Variants in CLSTN3 observed in about 807,000 individuals in gnomAD.
The protein encoded by CLSTN3 is calsyntenin 3.
A neutral mutation model predicts 95.9 loss-of-function variants in CLSTN3; 36 were observed. The observed-to-expected ratio is 0.38, with a 90% CI of 0.29 to 0.50. CLSTN3 has a LOEUF of 0.50. Among genes scored for constraint, CLSTN3 ranks in the 20% least tolerant of loss-of-function variants. The pLI, the probability that CLSTN3 is intolerant of heterozygous loss-of-function variation, is 0.95. For missense variants in CLSTN3, 1,084 were observed against 1,268.8 expected (o/e 0.85, Z 2.21); for synonymous variants, 481 against 504.0 (o/e 0.95, Z 0.61).
chr12:7,147,938 T>C (rs1246544198), intron 12 of CLSTN3, among the ~76,000 whole-genome samples: 1 of 152,104 alleles, frequency 6.6e-6, no homozygotes, highest in Non-Finnish European at 1.5e-5. Context: ...ACAGATCACC[T>C]GAAGTCAGGA....
rs1437244771 is a variant in CLSTN3 at position 7,158,357 on chromosome 12, TCTACCCCCAATGGCAGCTGCCCC to T, written c.*279_*301del. The T allele has an allele frequency of 2.2e-4, 69 of 318,870 alleles. No homozygotes were observed. Among genetic ancestry groups the T allele is most frequent in the African/African-American group, 1.2e-3 (55 of 47,074 alleles). The allele number at this position is 318,870 out of a possible 1,614,324, so 19.8% of individuals were successfully genotyped here. A position where few individuals can be genotyped will look rare whatever the true frequency, so the allele number is the denominator to read the frequency against. On this transcript the variant is annotated 3_prime_UTR_variant, in exon 18 of 18. Coordinates refer to ENST00000266546, the MANE Select transcript of CLSTN3 (RefSeq NM_014718.4). ...AAGTGGGCTGGACTTCAGCTGCCTTTCTACCCCCAATGGCAGCTGCCCCCTTAGCACTCACTGTGTTGGGGAGA... is the reference window on the plus strand; with the variant it reads ...AAGTGGGCTGGACTTCAGCTGCCTTTCTTAGCACTCACTGTGTTGGGGAGA...
chr12:7,151,101 G>A, intron 16 of CLSTN3, 38 bp downstream of exon 16: 1 of 1,516,870 alleles, frequency 6.6e-7, no homozygotes, highest in South Asian at 1.3e-5. Context: ...GGAGGGGCAG[G>A]TGGCAGGTGA....
At chr12:7,129,624 T>C, upstream of CLSTN3, 1 of 985,460 alleles carries the variant, frequency 1.0e-6, no homozygotes, top group African/African-American at 1.7e-5. This position sits in a 1 kb window ranked among gnomAD's most constrained non-coding sequence, Gnocchi z 5.5. Flanking sequence ...GGACAGCCCA[T>C]GCTTTCCAGA....
rs752723324 is a variant in CLSTN3, at chr12:7,157,700, C to A, written c.2730+9C>A. ...TTGTGAACCCCATGGAGGTGAGAGGCCTGGGGAAGCGGGGTTCTGTAGGGT... is the reference window on the plus strand; with the variant it reads ...TTGTGAACCCCATGGAGGTGAGAGGACTGGGGAAGCGGGGTTCTGTAGGGT... On this transcript the variant is annotated intron_variant, in intron 17 of 17. Coordinates refer to ENST00000266546, the MANE Select transcript of CLSTN3 (RefSeq NM_014718.4). The surrounding 1 kb of genome is among the most constrained non-coding windows in gnomAD (Gnocchi z 5.9). 8.3e-6 allele frequency: 13 copies of A among 1,563,340 alleles called. No individual in the cohort carries two copies. Among genetic ancestry groups the A allele is most frequent in the South Asian group, 1.2e-5 (1 of 85,378 alleles).
intron 11 of CLSTN3, 58 bp downstream of exon 11, chr12:7,143,084 G>T (rs962491031): frequency 2.3e-5 from 37 of 1,590,428 alleles, no homozygotes; most frequent in South Asian, 1.9e-4. Flanking sequence ...CCACCCCCTT[G>T]CCCTACCCCT....
intron 10 of CLSTN3, 148 bp downstream of exon 10, chr12:7,142,287 G>A (rs990491551): frequency 3.0e-6 from 2 of 669,642 alleles, no homozygotes; most frequent in Non-Finnish European, 5.1e-6. Context: ...AGCAGGGCAG[G>A]GGCTCCTGGA....
chr12:7,141,225 C>A lies in CLSTN3; in HGVS notation c.1324-17C>A. ...CGAATTACCTGAGAGGCTCTTGCCC[C>A]TACCCTACTCTCCCAGGTCTGTGAT... On this transcript the variant is annotated splice_polypyrimidine_tract_variant and intron_variant, in intron 8 of 17. Transcript: ENST00000266546. This position sits in a 1 kb window ranked among gnomAD's most constrained non-coding sequence, Gnocchi z 4.1. The A allele has an allele frequency of 1.2e-6, 2 of 1,611,618 alleles. No individual in the cohort carries two copies. Among genetic ancestry groups the A allele is most frequent in the Non-Finnish European group, 1.7e-6 (2 of 1,178,520 alleles).
At chr12:7,135,263 C>T in intron 3 of CLSTN3, 64 bp from the exon 4 acceptor site, 1 of 1,494,816 alleles carries the variant, frequency 6.7e-7, no homozygotes, top group Non-Finnish European at 9.3e-7. Context: ...AAGGCTGTAT[C>T]TCAATGTATA....
In CLSTN3 at chr12:7,137,065, G is replaced by C; in HGVS notation, c.1165G>C (p.Gly389Arg). The C allele has an allele frequency of 6.2e-7, 1 of 1,613,996 alleles. No homozygotes were observed. Among genetic ancestry groups the C allele is most frequent in the Non-Finnish European group, 8.5e-7 (1 of 1,179,966 alleles). Residue 389 changes from glycine (G) to arginine (R), a missense_variant, in exon 7 of 18, where the codon GGC (glycine) becomes CGC (arginine). By Grantham distance (125) the Gly-to-Arg change is moderately radical (BLOSUM62 -2). Transcript: ENST00000266546. This position sits in a 1 kb window ranked among gnomAD's most constrained non-coding sequence, Gnocchi z 4.4. ...GAAGCATGGCGTAACTCCCAACAAG[G>C]GCAAGAAGGAAGAGGAAACCATCGT... Reference protein sequence around the residue: ...WMKHGVTPNKGKKEEETIVCN... With the variant: ...WMKHGVTPNKRKKEEETIVCN...
At chr12:7,130,850 C>A (rs1021230555) in intron 1 of CLSTN3, 138 bp downstream of exon 1, 8 of 753,508 alleles carry the variant, frequency 1.1e-5, no homozygotes, top group African/African-American at 1.0e-4. Flanking sequence ...CCTTCCCATC[C>A]GTTCTCAGAC....
Position 7,133,526 on chromosome 12 carries a change from G to T in CLSTN3, c.188-47G>T. ...CCCCAGGTGGGGAGACTGAGGGTGG[G>T]GAAGGAGACACAGCAGCCTCACTCC... On this transcript the variant is annotated intron_variant, in intron 2 of 17. Coordinates refer to ENST00000266546, the MANE Select transcript of CLSTN3 (RefSeq NM_014718.4). The surrounding 1 kb of genome is among the most constrained non-coding windows in gnomAD (Gnocchi z 4.7). 6.3e-7 allele frequency: 1 copy of T among 1,590,902 alleles called. No homozygotes were observed. Among genetic ancestry groups the T allele is most frequent in the Non-Finnish European group, 8.6e-7 (1 of 1,161,160 alleles).
Position 7,138,014 on chromosome 12 carries a change from T to C in CLSTN3, c.1270T>C (p.Trp424Arg), listed in dbSNP as rs763200937. 2 of 1,613,922 alleles carry C rather than the reference T, an allele frequency of 1.2e-6. No homozygotes were observed. The highest frequency in any genetic ancestry group is 1.7e-5 in the Admixed American group (1 of 59,990). Residue 424 changes from tryptophan to arginine, a missense_variant, in exon 8 of 18, where the codon TGG (tryptophan) becomes CGG (arginine). Transcript: ENST00000266546. ...CGGCTGTAGGATTGCCTTCCTCTAC[T>C]GGCCCCTGCTTGAGAGTGCCCGCCC... ...VHGCRIAFLY[W>R]PLLESARPVK... is the part of the protein sequence containing the mutation.
In CLSTN3 at chr12:7,136,308, C is replaced by T; in HGVS notation, c.845C>T (p.Ala282Val). 1 of 1,614,186 alleles carries T rather than the reference C, an allele frequency of 6.2e-7. No individual in the cohort carries two copies. The highest frequency in any genetic ancestry group is 8.5e-7 in the Non-Finnish European group (1 of 1,180,030). Residue 282 changes from alanine to valine, a missense_variant, in exon 6 of 18, where the codon GCC (alanine) becomes GTC (valine). Ala to Val is a moderately conservative substitution (Grantham distance 64, BLOSUM62 0). Coordinates refer to ENST00000266546, the MANE Select transcript of CLSTN3 (RefSeq NM_014718.4). Reference protein sequence around the residue: ...TCDEPLWNIQATIELQTSHVA... With the variant: ...TCDEPLWNIQVTIELQTSHVA... ...GATGAACCACTCTGGAACATTCAGG[C>T]CACCATAGAGCTGCAGACCAGCCAT...
At chr12:7,156,669 G>C in intron 16 of CLSTN3, 1 of 456,878 alleles carries the variant, frequency 2.2e-6, no homozygotes, top group Non-Finnish European at 4.4e-6. Context: ...ATGTACCTGT[G>C]CATGCACATC....
rs1939583455 is a variant in CLSTN3 at position 7,144,186 on chromosome 12, T to C, written c.1847+875T>C. ...AGGCGGAGGTTTCAGTGAGCCGAGA[T>C]TGCACCACTGCACTCCAGCCTGGGC... is the stretch of plus-strand genomic sequence containing the variant. On this transcript the variant is annotated intron_variant, in intron 12 of 17. Transcript: ENST00000266546. Among the ~76,000 whole-genome samples the C allele has an allele frequency of 4.1e-5, 6 of 145,914 alleles. No individual in the cohort carries two copies. The Admixed American group carries it at 4.2e-4, about 10-fold the overall frequency.
chr12:7,135,559 G>A (rs1304295533), intron 4 of CLSTN3, 24 bp downstream of exon 4: 2 of 1,610,632 alleles, frequency 1.2e-6, no homozygotes, highest in Non-Finnish European at 1.7e-6. Flanking sequence ...TGGCTTCCCT[G>A]GCCACCCAGT....
rs1348668698 is a variant in CLSTN3 at position 7,130,383 on chromosome 12, C to T, written c.-266C>T. 3 of 1,383,928 alleles carry T rather than the reference C, an allele frequency of 2.2e-6. No individual in the cohort carries two copies. Among genetic ancestry groups the T allele is most frequent in the South Asian group, 1.5e-5 (1 of 66,458 alleles). 85.7% of individuals were successfully genotyped at this position (1,383,928 alleles called of 1,614,324 possible). The stretch of plus-strand genomic sequence containing the variant: ...CTGTGCTGACGTCATCCTGCAGTAG[C>T]GGGGTTGGGGTGGGAGTGAGAGAGT... On this transcript the variant is annotated 5_prime_UTR_variant, in exon 1 of 18. Coordinates refer to ENST00000266546, the MANE Select transcript of CLSTN3 (RefSeq NM_014718.4).
At chr12:7,148,202 AAGAAAGAAAG>A (rs1939660983) in intron 12 of CLSTN3, among the ~76,000 whole-genome samples, 1 of 144,506 alleles carries the variant, frequency 6.9e-6, no homozygotes, top group African/African-American at 2.8e-5. Context: ...GAAAGAAAGA[AAGAAAGAAAG>A]AAATGTGGGA....
chr12:7,157,616 G>A lies in CLSTN3; in HGVS notation c.2655G>A (p.Gly885=), dbSNP rs1939842512. ...TCTCAGGGGCCGGCGGGCCTCCAGGGGCCTCCAGTGACCCCAAGGACCCAG... is the reference window on the plus strand; with the variant it reads ...TCTCAGGGGCCGGCGGGCCTCCAGGAGCCTCCAGTGACCCCAAGGACCCAG... ...RRVSGAGGPP[G]ASSDPKDPDL... is the part of the protein sequence containing the mutation. Residue 885 remains glycine (G), a synonymous_variant, in exon 17 of 18, where the codon GGG becomes GGA. Transcript: ENST00000266546. The surrounding 1 kb of genome is among the most constrained non-coding windows in gnomAD (Gnocchi z 5.9). 4.3e-6 allele frequency: 7 copies of A among 1,611,292 alleles called. No individual in the cohort carries two copies. Among genetic ancestry groups the A allele is most frequent in the Non-Finnish European group, 5.9e-6 (7 of 1,178,910 alleles).
Sources: allele counts gnomAD v4.1 joint callset (sites outside exome capture counted in the v4.1 genomes callset), GRCh38; gene constraint gnomAD v4.1.1; non-coding constraint Gnocchi (gnomAD v3.1); transcripts MANE v1.5; gene names NCBI Gene and HGNC (gene_info 2026-07-23, HGNC 2026-07-21).